The following CRB1 variants were observed in gnomAD, a reference collection of about 807,000 sequenced individuals.
CRB1 encodes crumbs cell polarity complex component 1.
A neutral mutation model predicts 120.0 loss-of-function variants in CRB1; 83 were observed. That is an observed-to-expected ratio of 0.69 (90% CI 0.58 to 0.83). The LOEUF (loss-of-function observed/expected upper bound fraction) is 0.83, where lower values mean the gene tolerates loss of function less well. Ranked by LOEUF, CRB1 falls within the 40% of genes least tolerant of loss-of-function variation. The pLI is 0.00. For synonymous variants in CRB1, 625 were observed against 612.5 expected (o/e 1.02, Z -0.30); for missense variants, 1,699 against 1,687.6 (o/e 1.01, Z -0.12).
At chr1:197,224,104 G>GA in the CRB1 span, among the ~76,000 whole-genome samples, 1 of 148,876 alleles carries the variant, frequency 6.7e-6, no homozygotes, top group African/African-American at 2.6e-5. Flanking sequence ...TAATAATTCC[G>GA]AAAAAATTTT....
intron 11 of CRB1, among the ~76,000 whole-genome samples, chr1:197,453,785 T>TTAATTATTA (rs1666107251): frequency 7.0e-6 from 1 of 143,790 alleles, no homozygotes; most frequent in Non-Finnish European, 1.5e-5. Context: ...ATTATTATTA[T>TTAATTATTA]ATTATTAATA....
chr1:197,236,978 G>GT, the CRB1 span, among the ~76,000 whole-genome samples: 1 of 151,982 alleles, frequency 6.6e-6, no homozygotes, highest in Non-Finnish European at 1.5e-5. Flanking sequence ...TTGGCCCATA[G>GT]TTTTTCTTTT....
At chr1:197,273,845 C>T (rs894889421) in intron 1 of CRB1, among the ~76,000 whole-genome samples, 3 of 151,846 alleles carry the variant, frequency 2.0e-5, no homozygotes, top group Non-Finnish European at 4.4e-5. Context: ...ATTTCCTGAC[C>T]CAATCCTAGC....
intron 6 of CRB1, among the ~76,000 whole-genome samples, chr1:197,424,891 T>C (rs1333112655): frequency 6.6e-6 from 1 of 152,210 alleles, no homozygotes; most frequent in Admixed American, 6.5e-5. Context: ...GTATCACCCT[T>C]CCAAATCCAC....
intron 6 of CRB1, among the ~76,000 whole-genome samples, chr1:197,426,517 A>C (rs1287605596): frequency 2.0e-5 from 3 of 152,112 alleles, no homozygotes; most frequent in African/African-American, 7.2e-5. Context: ...GAGGATGGGA[A>C]GTTTTCTTCC....
At chr1:197,304,690 C>T (rs1447431299) in intron 1 of CRB1, among the ~76,000 whole-genome samples, 1 of 152,240 alleles carries the variant, frequency 6.6e-6, no homozygotes, top group Non-Finnish European at 1.5e-5. Context: ...AAGTGGAAAT[C>T]ATTTTCCTCT....
chr1:197,432,549 A>C (rs1385097991), intron 8 of CRB1, among the ~76,000 whole-genome samples: 1 of 152,100 alleles, frequency 6.6e-6, no homozygotes, highest in East Asian at 1.9e-4. Context: ...ATTTTCATAG[A>C]GTATTCATTT....
intron 1 of CRB1, among the ~76,000 whole-genome samples, chr1:197,269,426 G>A (rs556293317): frequency 1.4e-3 from 216 of 152,286 alleles, no homozygotes; most frequent in Non-Finnish European, 2.5e-3. Flanking sequence ...AAATGCTGTG[G>A]GTAGGTAGCT....
the CRB1 span, chr1:197,222,774 G>C: frequency 4.3e-6 from 5 of 1,160,666 alleles, no homozygotes; most frequent in Non-Finnish European, 6.5e-6. Context: ...TGAACTCCAA[G>C]TGCTACATGA....
At chr1:197,244,856 T>A in the CRB1 span, among the ~76,000 whole-genome samples, 1 of 152,042 alleles carries the variant, frequency 6.6e-6, no homozygotes, top group Non-Finnish European at 1.5e-5. Context: ...TTAGTGTATT[T>A]TTTTCCTTCT....
intron 2 of CRB1, among the ~76,000 whole-genome samples, chr1:197,338,474 C>T (rs1659278173): frequency 6.6e-6 from 1 of 152,146 alleles, no homozygotes; most frequent in African/African-American, 2.4e-5. Flanking sequence ...CCCAATGCCC[C>T]ACTCCTAGGG....
chr1:197,291,189 G>A (rs1280909003), intron 1 of CRB1, among the ~76,000 whole-genome samples: 1 of 151,468 alleles, frequency 6.6e-6, no homozygotes, highest in Non-Finnish European at 1.5e-5. Flanking sequence ...TTCATTTCTT[G>A]GACAATATAG....
Position 197,442,148 on chromosome 1 carries a change from G to GT in CRB1, c.3879-16dup, listed in dbSNP as rs1665476316. On this transcript the variant is annotated splice_polypyrimidine_tract_variant and intron_variant, in intron 10 of 11. Coordinates refer to ENST00000367400, the MANE Select transcript of CRB1 (RefSeq NM_201253.3). ...TTCAACAGGGACCTGGGTTTCTGCT[G>GT]TTCTGTTTATTTTGAAGGTGTGAAA... 6.2e-7 allele frequency: 1 copy of GT among 1,614,080 alleles called. No homozygotes were observed. The highest frequency in any genetic ancestry group is 1.3e-5 in the African/African-American group (1 of 75,038).
At chr1:197,312,782 T>A (rs1390385623) in intron 1 of CRB1, among the ~76,000 whole-genome samples, 5 of 152,246 alleles carry the variant, frequency 3.3e-5, no homozygotes, top group African/African-American at 1.2e-4. Context: ...ACTGCATTAA[T>A]CCCTTTCCAC....
intron 11 of CRB1, among the ~76,000 whole-genome samples, chr1:197,445,311 C>A (rs1461309561): frequency 6.6e-6 from 1 of 152,168 alleles, no homozygotes; most frequent in East Asian, 1.9e-4. Flanking sequence ...TTTGGCCATG[C>A]CTCCTTTTTT....
At chr1:197,341,279 A>T (rs1468122212) in intron 2 of CRB1, among the ~76,000 whole-genome samples, 1 of 152,200 alleles carries the variant, frequency 6.6e-6, no homozygotes, top group African/African-American at 2.4e-5. Context: ...GCAGTGGCTC[A>T]TGCCTGTAAT....
chr1:197,308,025 C>A (rs1326949144), intron 1 of CRB1, among the ~76,000 whole-genome samples: 1 of 152,032 alleles, frequency 6.6e-6, no homozygotes, highest in African/African-American at 2.4e-5. Flanking sequence ...ATAGTAAATA[C>A]ATGGAATCAA....
the CRB1 span, among the ~76,000 whole-genome samples, chr1:197,204,017 C>T: frequency 6.6e-6 from 1 of 152,160 alleles, no homozygotes; most frequent in Non-Finnish European, 1.5e-5. Flanking sequence ...CATAGTTTAG[C>T]TCCCACTTAT....
chr1:197,356,891 C>G lies in CRB1; in HGVS notation c.1049C>G (p.Ser350Cys). The G allele has an allele frequency of 6.2e-7, 1 of 1,614,166 alleles. No homozygotes were observed. Among genetic ancestry groups the G allele is most frequent in the Admixed American group, 1.7e-5 (1 of 60,024 alleles). ...LNECNSNPCQSNGECVELSSE... is the reference protein window; with the variant it reads ...LNECNSNPCQCNGECVELSSE... ...GAATGCAATAGTAACCCCTGCCAGT[C>G]CAATGGGGAATGTGTGGAGCTGTCC... The change falls in exon 5 of 12, where the codon TCC (serine) becomes TGC (cysteine). Residue 350 changes from serine (S) to cysteine (C), a missense_variant. Physicochemically the swap from Ser to Cys is moderately radical, Grantham distance 112. Transcript: ENST00000367400.
Sources: allele counts gnomAD v4.1 joint callset (sites outside exome capture counted in the v4.1 genomes callset), GRCh38; gene constraint gnomAD v4.1.1; transcripts MANE v1.5; gene names NCBI Gene and HGNC (gene_info 2026-07-23, HGNC 2026-07-21).